MYCBP2: variants seen among roughly 807,000 people sequenced by gnomAD.
The protein encoded by MYCBP2 is MYC binding protein 2.
In MYCBP2, 120 loss-of-function variants were observed where a neutral mutation model predicts 525.3. The observed-to-expected ratio is 0.23, with a 90% CI of 0.20 to 0.27. The LOEUF (loss-of-function observed/expected upper bound fraction) is 0.27, where lower values mean the gene tolerates loss of function less well. Ranked by LOEUF, MYCBP2 falls within the 10% of genes least tolerant of loss-of-function variation. MYCBP2 has a pLI of 1.00. For synonymous variants in MYCBP2, 1,894 were observed against 1,955.8 expected (o/e 0.97, Z 0.83); for missense variants, 4,149 against 5,657.1 (o/e 0.73, Z 8.55).
chr13:77,219,907 T>C (rs2065312911), intron 20 of MYCBP2, among the ~76,000 whole-genome samples: 2 of 152,108 alleles, frequency 1.3e-5, no homozygotes, highest in South Asian at 2.1e-4. Flanking sequence ...TTTAAGTGTA[T>C]ATTCTTGTAT....
chr13:77,194,805 A>G (rs1038882366), intron 26 of MYCBP2, among the ~76,000 whole-genome samples: 1 of 152,186 alleles, frequency 6.6e-6, no homozygotes, highest in Non-Finnish European at 1.5e-5. Context: ...GAGAGAGAAG[A>G]GCAACATAAG....
intron 82 of MYCBP2, among the ~76,000 whole-genome samples, chr13:77,047,837 G>A (rs917992580): frequency 3.3e-5 from 5 of 152,070 alleles, no homozygotes; most frequent in African/African-American, 4.8e-5. Context: ...GTCACGCTGC[G>A]GGCCAAGACA....
intron 26 of MYCBP2, among the ~76,000 whole-genome samples, chr13:77,202,420 A>G (rs1287360641): frequency 6.6e-6 from 1 of 152,210 alleles, no homozygotes; most frequent in Non-Finnish European, 1.5e-5. Context: ...CCAACCAAAA[A>G]GAGTCCAGGA....
At chr13:77,212,971 T>G (rs1208638427) in intron 21 of MYCBP2, among the ~76,000 whole-genome samples, 1 of 152,100 alleles carries the variant, frequency 6.6e-6, no homozygotes, top group Non-Finnish European at 1.5e-5. Context: ...AACACTCTGG[T>G]CACGTTCTCA....
At chr13:77,157,379 A>G (rs2057340853) in intron 45 of MYCBP2, among the ~76,000 whole-genome samples, 1 of 152,166 alleles carries the variant, frequency 6.6e-6, no homozygotes, top group South Asian at 2.1e-4. Context: ...GTGTGCCACC[A>G]TGCCTGGCTA....
Position 77,051,259 on chromosome 13 carries a change from T to C in MYCBP2, c.13756-97A>G, listed in dbSNP as rs556599484. 259 of 1,059,686 alleles carry C rather than the reference T, an allele frequency of 2.4e-4. 2 individuals are homozygous for C. The East Asian group carries it at 6.6e-3, about 27-fold the overall frequency. The allele number at this position is 1,059,686 out of a possible 1,614,324, so 65.6% of individuals were successfully genotyped here. Reference sequence around the variant, plus strand: ...TACATAGACAGCTCCTTAATTCATATTTTGAGGGCCTACATAACTCTAAAA... The same window carrying C: ...TACATAGACAGCTCCTTAATTCATACTTTGAGGGCCTACATAACTCTAAAA... On this transcript the variant is annotated intron_variant, in intron 81 of 82. Coordinates refer to ENST00000544440, the MANE Select transcript of MYCBP2 (RefSeq NM_015057.5).
intron 19 of MYCBP2, 39 bp from the exon 20 acceptor site, chr13:77,224,571 G>T (rs1566971594): frequency 3.2e-6 from 4 of 1,238,478 alleles, no homozygotes; most frequent in Non-Finnish European, 3.5e-6. Flanking sequence ...TTCATTATAT[G>T]CATTTTACAT....
rs188196777 is a variant in MYCBP2 at position 77,234,618 on chromosome 13, C to T, written c.2630-1355G>A. On this transcript the variant is annotated intron_variant, in intron 17 of 82. Transcript: ENST00000544440. ...TTTAATGTTAACAGAAGAATAAGTT[C>T]TCAATAATGCAGTACCAATTATTTT... Among the ~76,000 whole-genome samples, 26 of 151,998 alleles carry T rather than the reference C, an allele frequency of 1.7e-4. No individual in the cohort carries two copies. In the East Asian group the frequency reaches 4.6e-3, roughly 27 times the overall value.
At position 77,058,701 on chromosome 13, in the gene MYCBP2, T is replaced by A. The variant is rs2038660545; in HGVS notation, c.13141-295A>T. ...CATGCACAGCTATAAAGCAAAAAGT[T>A]CCTGGCTGGGAGTCGTGGCTTACAC... On this transcript the variant is annotated intron_variant, in intron 77 of 82. Transcript: ENST00000544440. This position sits in a 1 kb window ranked among gnomAD's most constrained non-coding sequence, Gnocchi z 4.1. 6.6e-6 allele frequency among the ~76,000 whole-genome samples: 1 copy of A among 152,246 alleles called. No individual in the cohort carries two copies. The highest frequency in any genetic ancestry group is 1.9e-4 in the East Asian group (1 of 5,188).
In MYCBP2 at chr13:77,245,780, C is replaced by T. The variant is rs564806745; in HGVS notation, c.2382-1829G>A. Reference sequence around the variant, plus strand: ...ACACACACACACACACACACACACACACAAAGGAAATAAAAACATTCACAC... The same window carrying T: ...ACACACACACACACACACACACACATACAAAGGAAATAAAAACATTCACAC... On this transcript the variant is annotated intron_variant, in intron 15 of 82. Coordinates refer to ENST00000544440, the MANE Select transcript of MYCBP2 (RefSeq NM_015057.5). 1.3e-4 allele frequency among the ~76,000 whole-genome samples: 14 copies of T among 104,340 alleles called. No individual in the cohort carries two copies. The South Asian group carries it at 4.0e-3, about 29-fold the overall frequency. 68.5% of individuals were successfully genotyped at this position (104,340 alleles called of 152,430 possible). A position where few individuals can be genotyped will look rare whatever the true frequency, so the allele number is the denominator to read the frequency against.
intron 82 of MYCBP2, 146 bp downstream of exon 82, chr13:77,050,851 G>C: frequency 1.5e-6 from 1 of 684,966 alleles, no homozygotes; most frequent in Admixed American, 3.3e-5. Flanking sequence ...AAAGTCATAA[G>C]CTTACAAGGA....
chr13:77,199,896 C>T (rs1439176030), intron 26 of MYCBP2, among the ~76,000 whole-genome samples: 3 of 152,176 alleles, frequency 2.0e-5, no homozygotes, highest in African/African-American at 7.2e-5. Flanking sequence ...ATCTGTACAT[C>T]ACCATCATCA....
chr13:77,308,796 C>T (rs1169149612), intron 1 of MYCBP2, among the ~76,000 whole-genome samples: 1 of 152,150 alleles, frequency 6.6e-6, no homozygotes, highest in African/African-American at 2.4e-5. Flanking sequence ...GGAACTAGGG[C>T]CTGAACCAGT....
chr13:77,182,035 T>C (rs979570965), intron 32 of MYCBP2, 113 bp from the exon 33 acceptor site: 6 of 713,170 alleles, frequency 8.4e-6, no homozygotes, highest in Non-Finnish European at 1.4e-5. Context: ...AAATTTTCTG[T>C]CACTCTGTCA....
In MYCBP2 at chr13:77,093,170, T is replaced by G; in HGVS notation, c.10362A>C (p.Pro3454=). 6.2e-7 allele frequency: 1 copy of G among 1,607,750 alleles called. No homozygotes were observed. The highest frequency in any genetic ancestry group is 1.1e-5 in the South Asian group (1 of 89,628). ...ACAGGAGAGAACTAAAATACCTTGG[T>G]GGCATAGACTTCATATTGCTCTCTG... ...EEPESNMKSM[P]PSLETSPITD... Residue 3454 remains proline, a synonymous_variant, in exon 59 of 83, where the codon CCA becomes CCC. Transcript: ENST00000544440.
chr13:77,273,536 C>T lies in MYCBP2; in HGVS notation c.881G>A (p.Arg294Lys). 1 of 1,613,482 alleles carries T rather than the reference C, an allele frequency of 6.2e-7. No individual in the cohort carries two copies. The highest frequency in any genetic ancestry group is 8.5e-7 in the Non-Finnish European group (1 of 1,179,754). Residue 294 changes from arginine to lysine, a missense_variant, in exon 5 of 83, where the codon AGG becomes AAG. Transcript: ENST00000544440. The stretch of plus-strand genomic sequence containing the variant: ...GATAGCAGAGATGGCCTGAAGTGTC[C>T]TTCCTGTTTCTCCCCAAGAAGCCAC... ...SLVASWGETG[R>K]TLQAISAILT... is the part of the protein sequence containing the mutation.
At chr13:77,191,867 ATATT>A (rs2061330904) in intron 27 of MYCBP2, 54 bp from the exon 28 acceptor site, 1 of 1,555,016 alleles carries the variant, frequency 6.4e-7, no homozygotes, top group African/African-American at 1.4e-5. Context: ...TCTGTCACAT[ATATT>A]TATTTTTTCA....
intron 32 of MYCBP2, among the ~76,000 whole-genome samples, chr13:77,183,504 A>G (rs2060410987): frequency 6.8e-6 from 1 of 145,986 alleles, no homozygotes; most frequent in Non-Finnish European, 1.5e-5. Flanking sequence ...TGAAAAATTC[A>G]CCAGTATAAA....
chr13:77,141,197 A>G (rs557973445), intron 49 of MYCBP2, among the ~76,000 whole-genome samples: 1 of 152,300 alleles, frequency 6.6e-6, no homozygotes, highest in African/African-American at 2.4e-5. Context: ...AACATATGAA[A>G]TGATACAGAA....
Sources: gnomAD v4.1 joint callset for allele counts (sites outside exome capture counted in the v4.1 genomes callset) on GRCh38, gnomAD v4.1.1 for gene constraint, Gnocchi (gnomAD v3.1) non-coding constraint, MANE v1.5 for transcripts, NCBI Gene and HGNC (gene_info 2026-07-23, HGNC 2026-07-21) for gene names.